The following CDKAL1 variants were observed in gnomAD, a reference collection of about 807,000 sequenced individuals.
CDKAL1 encodes the protein threonylcarbamoyladenosine tRNA methylthiotransferase.
A neutral mutation model predicts 68.2 loss-of-function variants in CDKAL1; 32 were observed. That is an observed-to-expected ratio of 0.47 (90% CI 0.35 to 0.63). The LOEUF (loss-of-function observed/expected upper bound fraction) is 0.63, where lower values mean the gene tolerates loss of function less well. Among genes scored for constraint, CDKAL1 ranks in the 30% least tolerant of loss-of-function variants. CDKAL1 has a pLI of 0.00. For synonymous variants in CDKAL1, 234 were observed against 244.3 expected, an observed-to-expected ratio of 0.96 and a Z score of 0.39; for missense variants, 606 against 696.7, an observed-to-expected ratio of 0.87 and a Z score of 1.47.
intron 12 of CDKAL1, among the ~76,000 whole-genome samples, chr6:21,072,676 C>CT (rs66763305): frequency 0.47 from 61,621 of 130,972 alleles, 14,496 homozygotes; most frequent in Non-Finnish European, 0.5. Flanking sequence ...AATAGAGTAT[C>CT]TTTTTTTTTT....
At chr6:20,975,782 C>T (rs2150763232) in intron 10 of CDKAL1, among the ~76,000 whole-genome samples, 1 of 152,218 alleles carries the variant, frequency 6.6e-6, no homozygotes, top group Non-Finnish European at 1.5e-5. Context: ...GACTGAAACC[C>T]AAAATATCTA....
chr6:20,864,038 G>A (rs73735009), intron 9 of CDKAL1, among the ~76,000 whole-genome samples: 7,559 of 152,140 alleles, frequency 0.05, 609 homozygotes, highest in African/African-American at 0.16. Flanking sequence ...GAGAAACTTG[G>A]CACGATGTTA....
intron 15 of CDKAL1, among the ~76,000 whole-genome samples, chr6:21,229,580 AC>A (rs1779877268): frequency 6.6e-6 from 1 of 152,170 alleles, no homozygotes; most frequent in Admixed American, 6.5e-5. Flanking sequence ...TGAGCAAAGT[AC>A]CATGGTTGTT....
At chr6:20,604,811 TTGACTC>T (rs1220019371) in intron 4 of CDKAL1, among the ~76,000 whole-genome samples, 2 of 152,240 alleles carry the variant, frequency 1.3e-5, no homozygotes, top group African/African-American at 4.8e-5. Flanking sequence ...TGCTGTCTCT[TTGACTC>T]TGGGATTCAA....
At chr6:20,995,038 C>T (rs529855478) in intron 10 of CDKAL1, among the ~76,000 whole-genome samples, 1 of 152,332 alleles carries the variant, frequency 6.6e-6, no homozygotes, top group East Asian at 1.9e-4. Flanking sequence ...GAATACATTC[C>T]ATCTCGAAAC....
At chr6:20,548,502 C>T (rs1763690993) in intron 3 of CDKAL1, 91 bp from the exon 4 acceptor site, 1 of 698,382 alleles carries the variant, frequency 1.4e-6, no homozygotes, top group Non-Finnish European at 2.6e-6. Context: ...AGCTGCACTG[C>T]AGCCTGGGCA....
chr6:20,664,858 G>A (rs1251580785), intron 5 of CDKAL1, among the ~76,000 whole-genome samples: 1 of 152,052 alleles, frequency 6.6e-6, no homozygotes, highest in East Asian at 1.9e-4. Context: ...TCGGTAATGG[G>A]TGGCTTGAGG....
intron 12 of CDKAL1, among the ~76,000 whole-genome samples, chr6:21,099,556 A>G (rs1465243056): frequency 1.3e-5 from 2 of 152,218 alleles, no homozygotes; most frequent in Admixed American, 6.5e-5. Flanking sequence ...GATTGGACAC[A>G]GGTAGTCCAG....
At chr6:20,978,893 C>T (rs1254848753) in intron 10 of CDKAL1, among the ~76,000 whole-genome samples, 5 of 152,112 alleles carry the variant, frequency 3.3e-5, no homozygotes, top group Non-Finnish European at 5.9e-5. Context: ...GTACACTATC[C>T]TCCACTCTTC....
chr6:20,834,111 A>C (rs1402947575), intron 8 of CDKAL1, among the ~76,000 whole-genome samples: 4 of 152,170 alleles, frequency 2.6e-5, no homozygotes, highest in African/African-American at 9.7e-5. Flanking sequence ...TAAGTGGACT[A>C]AGTGGAATAT....
Position 21,231,333 on chromosome 6 carries a change from A to C in CDKAL1, c.*294A>C. 4.0e-6 allele frequency: 1 copy of C among 247,492 alleles called. No homozygotes were observed. The highest frequency in any genetic ancestry group is 7.6e-6 in the Non-Finnish European group (1 of 131,318). The allele number at this position is 247,492 out of a possible 1,614,324, so 15.3% of individuals were successfully genotyped here. ...GTTGCATTTTTTTCTGTTTGTTTCAATCTCTAATCTTTAAGTCAGAACCTA... is the reference window on the plus strand; with the variant it reads ...GTTGCATTTTTTTCTGTTTGTTTCACTCTCTAATCTTTAAGTCAGAACCTA... On this transcript the variant is annotated 3_prime_UTR_variant, in exon 16 of 16. Transcript: ENST00000274695.
intron 12 of CDKAL1, among the ~76,000 whole-genome samples, chr6:21,067,461 T>C (rs891878459): frequency 1.3e-5 from 2 of 152,034 alleles, no homozygotes; most frequent in African/African-American, 2.4e-5. Context: ...TCCTATTGAT[T>C]ATTAGCCGGG....
intron 12 of CDKAL1, among the ~76,000 whole-genome samples, chr6:21,079,601 A>T (rs1412651018): frequency 6.6e-6 from 1 of 152,224 alleles, no homozygotes; most frequent in Non-Finnish European, 1.5e-5. Context: ...GTTTTCCTTG[A>T]CTGTAGACTT....
In CDKAL1 at chr6:21,122,664, G is replaced by A. The variant is rs139320616; in HGVS notation, c.1299+14201G>A. The stretch of plus-strand genomic sequence containing the variant: ...TATTTATTTATTTAGAGACAAGATC[G>A]CACACTGTTGTCCAGGCTAGAGTAC... On this transcript the variant is annotated intron_variant, in intron 13 of 15. Coordinates refer to ENST00000274695, the MANE Select transcript of CDKAL1 (RefSeq NM_017774.3). Among the ~76,000 whole-genome samples, 156 of 151,582 alleles carry A rather than the reference G, an allele frequency of 1.0e-3. 2 individuals carry two copies. The highest frequency in any genetic ancestry group is 3.4e-3 in the African/African-American group (142 of 41,308).
At chr6:20,995,654 G>T (rs1432005047) in intron 10 of CDKAL1, among the ~76,000 whole-genome samples, 1 of 152,094 alleles carries the variant, frequency 6.6e-6, no homozygotes, top group African/African-American at 2.4e-5. Context: ...CTCTCACCAG[G>T]CTTTGGTGTT....
chr6:20,605,471 AT>A (rs535493717), intron 4 of CDKAL1, among the ~76,000 whole-genome samples: 51 of 151,954 alleles, frequency 3.4e-4, no homozygotes, highest in Non-Finnish European at 7.2e-4. Context: ...TTATTCTCCA[AT>A]TTTTCTTCTC....
In CDKAL1 at chr6:20,843,570, A is replaced by G. The variant is rs76549106; in HGVS notation, c.639-2505A>G. On this transcript the variant is annotated intron_variant, in intron 8 of 15. Transcript: ENST00000274695. ...TATGTTTCATGTGCACCTTATACGC[A>G]TAGCTTGAAGGTAATTTACATAATA... 9.3e-3 allele frequency among the ~76,000 whole-genome samples: 1,424 copies of G among 152,306 alleles called. 13 individuals are homozygous for G. The highest frequency in any genetic ancestry group is 0.015 in the Non-Finnish European group (1,049 of 68,018).
At chr6:21,010,446 C>T (rs1445205446) in intron 11 of CDKAL1, among the ~76,000 whole-genome samples, 6 of 152,162 alleles carry the variant, frequency 3.9e-5, no homozygotes, top group Non-Finnish European at 8.8e-5. Flanking sequence ...TGCCCATAAG[C>T]ACCCTGTATT....
intron 4 of CDKAL1, among the ~76,000 whole-genome samples, chr6:20,624,207 A>T (rs1767322184): frequency 6.6e-6 from 1 of 152,028 alleles, no homozygotes; most frequent in East Asian, 1.9e-4. Context: ...AGGAAGTATA[A>T]ACAGAGATAG....
Sources: allele counts gnomAD v4.1 joint callset (sites outside exome capture counted in the v4.1 genomes callset), GRCh38; gene constraint gnomAD v4.1.1; transcripts MANE v1.5; gene names NCBI Gene and HGNC (gene_info 2026-07-23, HGNC 2026-07-21).